PBX4: variants seen among roughly 807,000 people sequenced by gnomAD.
The protein encoded by PBX4 is pre-B-cell leukemia transcription factor 4.
Under a neutral mutation model 35.1 loss-of-function variants are expected in PBX4, and 26 were observed. The ratio of observed to expected loss-of-function variants is 0.74; its 90% confidence interval spans 0.54 to 1.03. PBX4 has a LOEUF of 1.03. Ranked by LOEUF, PBX4 falls within the 50% of genes least tolerant of loss-of-function variation. The pLI is 0.00. For missense variants in PBX4, 448 were observed against 504.3 expected (o/e 0.89, Z 1.07); for synonymous variants, 199 against 204.2 (o/e 0.97, Z 0.22).
At chr19:19,587,943 G>A (rs1021905270) in intron 2 of PBX4, 2 of 399,202 alleles carry the variant, frequency 5.0e-6, no homozygotes, top group Admixed American at 7.6e-5. Flanking sequence ...AGGGAGAGGA[G>A]GGGGTGGCAA....
At chr19:19,566,110 G>A (rs74720390) in intron 5 of PBX4, among the ~76,000 whole-genome samples, 2,169 of 152,132 alleles carry the variant, frequency 0.014, 50 homozygotes, top group African/African-American at 0.049. Context: ...CGTCCCTGCT[G>A]TAAGAAAGCA....
At position 19,573,328 on chromosome 19, in the gene PBX4, TATACACACAC is replaced by T. The variant is rs1246546920; in HGVS notation, c.194-2505_194-2496del. ...CTCCAAAAAAAAGAAAAAAAAAAAA[TATACACACAC>T]ACACACACACACACACACACACACA... On this transcript the variant is annotated intron_variant, in intron 2 of 7. Transcript: ENST00000251203. Among the ~76,000 whole-genome samples the T allele has an allele frequency of 1.6e-4, 15 of 92,122 alleles. No homozygotes were observed. In the East Asian group the frequency reaches 2.3e-3, roughly 14 times the overall value. 60.4% of individuals were successfully genotyped at this position (92,122 alleles called of 152,430 possible).
intron 1 of PBX4, among the ~76,000 whole-genome samples, chr19:19,615,308 C>T (rs1471107044): frequency 6.6e-6 from 1 of 151,560 alleles, no homozygotes; most frequent in East Asian, 1.9e-4. Flanking sequence ...GATGACACTA[C>T]TGCACTCTAG....
intron 2 of PBX4, among the ~76,000 whole-genome samples, chr19:19,578,545 T>G (rs938301303): frequency 2.0e-5 from 3 of 152,196 alleles, no homozygotes; most frequent in African/African-American, 7.2e-5. Context: ...GAAGCTTGGT[T>G]CAGGGATACC....
intron 2 of PBX4, among the ~76,000 whole-genome samples, chr19:19,576,330 A>AT (rs1382713842): frequency 6.6e-6 from 1 of 152,126 alleles, no homozygotes; most frequent in Non-Finnish European, 1.5e-5. Context: ...GGTTCAAGCA[A>AT]TTCTCCTGCC....
In PBX4 at chr19:19,576,758, T is replaced by G. The variant is rs978845044; in HGVS notation, c.194-5925A>C. On this transcript the variant is annotated intron_variant, in intron 2 of 7. Transcript: ENST00000251203. ...TCAGCTTCCTGAGTAGTTGGAACTATACACATGCCACCACACCTGGCTAAT... is the reference window on the plus strand; with the variant it reads ...TCAGCTTCCTGAGTAGTTGGAACTAGACACATGCCACCACACCTGGCTAAT... Among the ~76,000 whole-genome samples the G allele has an allele frequency of 2.6e-5, 4 of 152,138 alleles. No individual in the cohort carries two copies. In the East Asian group the frequency reaches 7.7e-4, roughly 29 times the overall value.
intron 1 of PBX4, among the ~76,000 whole-genome samples, chr19:19,618,262 C>G (rs1044448186): frequency 3.9e-5 from 6 of 152,190 alleles, no homozygotes; most frequent in Admixed American, 2.6e-4. Context: ...CAGCCCTACT[C>G]CCTAAACCCC....
intron 1 of PBX4, among the ~76,000 whole-genome samples, chr19:19,600,252 AT>A (rs1392503938): frequency 1.3e-5 from 2 of 152,196 alleles, no homozygotes; most frequent in Non-Finnish European, 2.9e-5. Context: ...ATGGTAAGGC[AT>A]TAGTGGCTCA....
rs151191960 is a variant in PBX4 at position 19,612,431 on chromosome 19, C to CT, written c.119+6079dup. On this transcript the variant is annotated intron_variant, in intron 1 of 7. Coordinates refer to ENST00000251203, the MANE Select transcript of PBX4 (RefSeq NM_025245.3). ...CTAAACAGTTGAGTTCAACTGACTG[C>CT]TGGGGTGATAAAAGGGGTGACTGGC... Among the ~76,000 whole-genome samples, 118 of 152,190 alleles carry CT rather than the reference C, an allele frequency of 7.8e-4. 3 individuals carry two copies. In the East Asian group the frequency reaches 0.023, roughly 29 times the overall value.
In PBX4 at chr19:19,588,505, CTG is replaced by C; in HGVS notation, c.193+10785_193+10786del. 7 of 573,968 alleles carry C rather than the reference CTG, an allele frequency of 1.2e-5. No homozygotes were observed. The East Asian group carries it at 2.1e-4, about 17-fold the overall frequency. 35.6% of individuals were successfully genotyped at this position (573,968 alleles called of 1,614,324 possible). ...TGTTGGCCAGGCTGGTCTCGAACTC[CTG>C]ACCTCGTGATCTACCCGCCTCACCC... On this transcript the variant is annotated intron_variant, in intron 2 of 7. Coordinates refer to ENST00000251203, the MANE Select transcript of PBX4 (RefSeq NM_025245.3).
chr19:19,575,385 T>C (rs562746683), intron 2 of PBX4, among the ~76,000 whole-genome samples: 5 of 152,258 alleles, frequency 3.3e-5, no homozygotes, highest in African/African-American at 9.6e-5. Flanking sequence ...TCACAGCAAG[T>C]GGACACCCTT....
At chr19:19,599,566 G>A (rs1332396391) in intron 1 of PBX4, among the ~76,000 whole-genome samples, 1 of 152,156 alleles carries the variant, frequency 6.6e-6, no homozygotes, top group Non-Finnish European at 1.5e-5. Flanking sequence ...GGCCAGCCGT[G>A]GTGGCTCACG....
At chr19:19,610,563 C>T (rs183532863) in intron 1 of PBX4, among the ~76,000 whole-genome samples, 17 of 152,138 alleles carry the variant, frequency 1.1e-4, no homozygotes, top group Admixed American at 8.5e-4. Context: ...CCAGCCTGCC[C>T]AACATGGTGA....
intron 5 of PBX4, among the ~76,000 whole-genome samples, chr19:19,565,977 G>C (rs937029672): frequency 6.6e-6 from 1 of 151,760 alleles, no homozygotes; most frequent in African/African-American, 2.4e-5. Flanking sequence ...TGCCCAGGCT[G>C]GTCTCAAACC....
intron 2 of PBX4, among the ~76,000 whole-genome samples, chr19:19,584,599 G>A (rs1053456401): frequency 2.6e-5 from 4 of 151,048 alleles, no homozygotes. Flanking sequence ...ACCTCAAGGT[G>A]TGGTCTGACA....
chr19:19,574,609 G>A (rs969900516), intron 2 of PBX4, among the ~76,000 whole-genome samples: 1 of 151,250 alleles, frequency 6.6e-6, no homozygotes, highest in Non-Finnish European at 1.5e-5. Flanking sequence ...CAGCCTTCCA[G>A]TTTGGTGGCC....
chr19:19,578,648 G>A (rs2144730225), intron 2 of PBX4, among the ~76,000 whole-genome samples: 1 of 152,304 alleles, frequency 6.6e-6, no homozygotes, highest in South Asian at 2.1e-4. Context: ...CCAACTTACT[G>A]TGTGTGGCAG....
rs1454262406 is a variant in PBX4 at position 19,568,330 on chromosome 19, G to C, written c.768+1119C>G. On this transcript the variant is annotated intron_variant, in intron 5 of 7. Coordinates refer to ENST00000251203, the MANE Select transcript of PBX4 (RefSeq NM_025245.3). ...GCTCACACTCTATCAGTATCCCTCA[G>C]GGAGCTCACACTCCATCTGTATCCC... 4.3e-5 allele frequency among the ~76,000 whole-genome samples: 6 copies of C among 138,668 alleles called. No individual in the cohort carries two copies. In the Admixed American group the frequency reaches 4.5e-4, roughly 10 times the overall value. The allele number at this position is 138,668 out of a possible 152,430, so 91.0% of individuals were successfully genotyped here. A position where few individuals can be genotyped will look rare whatever the true frequency, so the allele number is the denominator to read the frequency against.
chr19:19,604,136 T>C (rs969105562), intron 1 of PBX4, among the ~76,000 whole-genome samples: 1 of 152,092 alleles, frequency 6.6e-6, no homozygotes, highest in African/African-American at 2.4e-5. Flanking sequence ...GAATAATGTA[T>C]CTGAAAATCA....
Sources: allele counts gnomAD v4.1 joint callset (sites outside exome capture counted in the v4.1 genomes callset), GRCh38; gene constraint gnomAD v4.1.1; transcripts MANE v1.5; gene names NCBI Gene and HGNC (gene_info 2026-07-23, HGNC 2026-07-21).